Variants in LRP1B observed in about 807,000 individuals in gnomAD.
LRP1B encodes the protein low-density lipoprotein receptor-related protein 1B.
Under a neutral mutation model 556.6 loss-of-function variants are expected in LRP1B, and 217 were observed. The ratio of observed to expected loss-of-function variants is 0.39; its 90% CI spans 0.35 to 0.44. The LOEUF (loss-of-function observed/expected upper bound fraction) is 0.44. Ranked by LOEUF, LRP1B falls within the 20% of genes least tolerant of loss-of-function variation. The probability of loss-of-function intolerance (pLI) is 1.00; values close to 1 mark genes in which losing one functional copy is unlikely to be tolerated. For missense variants in LRP1B, 5,053 were observed against 5,620.8 expected (o/e 0.90, Z 3.23); for synonymous variants, 2,047 against 1,865.8 (o/e 1.10, Z -2.50).
chr2:141,805,233 A>C (rs12616779), intron 2 of LRP1B: 29,205 of 152,034 alleles, frequency 0.19, 3,267 homozygotes, highest in East Asian at 0.39. Flanking sequence ...GAGGTTATCT[A>C]CTAGGAGAGA....
intron 11 of LRP1B, among the ~76,000 whole-genome samples, chr2:141,047,765 C>G (rs932418397): frequency 6.6e-6 from 1 of 152,052 alleles, no homozygotes. Flanking sequence ...CCATTTAGGT[C>G]CCCCACACCC....
intron 18 of LRP1B, among the ~76,000 whole-genome samples, chr2:140,967,576 G>A (rs1030822524): frequency 6.6e-6 from 1 of 151,976 alleles, no homozygotes; most frequent in African/African-American, 2.4e-5. Context: ...CCAACACTAT[G>A]TTGAATAGGA....
chr2:141,736,080 C>T (rs979133266), intron 2 of LRP1B, among the ~76,000 whole-genome samples: 7 of 152,148 alleles, frequency 4.6e-5, no homozygotes, highest in African/African-American at 1.4e-4. Context: ...CACCCACTCT[C>T]TCTAGGGGCA....
At chr2:141,032,232 C>T (rs568794395) in intron 11 of LRP1B, among the ~76,000 whole-genome samples, 68 of 152,114 alleles carry the variant, frequency 4.5e-4, no homozygotes, top group Admixed American at 7.2e-4. Flanking sequence ...TTCATTTTAA[C>T]GGCTACTTAA....
In LRP1B at chr2:140,525,833, T is replaced by C. The variant is rs1690407299; in HGVS notation, c.8026+11A>G. 3 of 1,608,128 alleles carry C rather than the reference T, an allele frequency of 1.9e-6. No individual in the cohort carries two copies. The South Asian group carries it at 3.3e-5, about 18-fold the overall frequency. On this transcript the variant is annotated intron_variant, in intron 49 of 90. Coordinates refer to ENST00000389484, the MANE Select transcript of LRP1B (RefSeq NM_018557.3). Reference sequence around the variant, plus strand: ...AGGCAAAGCCTGTGTTTTTCTAAATTCTAGTATTACCTGGGCACTTTAATT... The same window carrying C: ...AGGCAAAGCCTGTGTTTTTCTAAATCCTAGTATTACCTGGGCACTTTAATT...
chr2:141,362,570 A>C (rs1195614607), intron 3 of LRP1B, among the ~76,000 whole-genome samples: 1 of 152,228 alleles, frequency 6.6e-6, no homozygotes, highest in Non-Finnish European at 1.5e-5. Flanking sequence ...GTACTACTAC[A>C]TTTTTGGCCA....
chr2:141,323,373 T>G (rs1030293897), intron 3 of LRP1B, among the ~76,000 whole-genome samples: 3 of 152,132 alleles, frequency 2.0e-5, no homozygotes, highest in Admixed American at 6.6e-5. Flanking sequence ...AATGTTTGTG[T>G]GTTTTTAATG....
intron 6 of LRP1B, among the ~76,000 whole-genome samples, chr2:141,208,579 G>A (rs563219791): frequency 1.1e-4 from 16 of 152,096 alleles, no homozygotes; most frequent in Admixed American, 4.6e-4. Context: ...AAAAAGGGAT[G>A]GGAGTGGCTG....
intron 72 of LRP1B, among the ~76,000 whole-genome samples, chr2:140,359,794 C>T (rs1316479152): frequency 6.6e-6 from 1 of 151,606 alleles, no homozygotes; most frequent in African/African-American, 2.4e-5. Flanking sequence ...TCAAATTTAA[C>T]AAGCTCATCA....
At chr2:140,878,791 G>C (rs1198148788) in intron 25 of LRP1B, among the ~76,000 whole-genome samples, 1 of 151,966 alleles carries the variant, frequency 6.6e-6, no homozygotes, top group African/African-American at 2.4e-5. Flanking sequence ...TGGATCATGC[G>C]AGGTCAGGAG....
At chr2:140,880,743 T>G in intron 25 of LRP1B, among the ~76,000 whole-genome samples, 1 of 152,204 alleles carries the variant, frequency 6.6e-6, no homozygotes, top group East Asian at 1.9e-4. Context: ...TGCAAACCTT[T>G]CTTTTCATTT....
chr2:142,018,931 C>T (rs776562550), intron 1 of LRP1B, among the ~76,000 whole-genome samples: 7 of 151,952 alleles, frequency 4.6e-5, no homozygotes, highest in South Asian at 4.1e-4. Flanking sequence ...TTAATTAAAA[C>T]GCACAGTAAA....
chr2:140,476,973 A>T (rs1688001614), intron 59 of LRP1B, among the ~76,000 whole-genome samples: 1 of 152,066 alleles, frequency 6.6e-6, no homozygotes, highest in Non-Finnish European at 1.5e-5. Flanking sequence ...AAATGATGCT[A>T]TGCTTTTTAA....
At chr2:140,849,200 C>CAAAAAAAAAAAAAAAAAAA (rs70988447) in intron 29 of LRP1B, among the ~76,000 whole-genome samples, 11 of 100,516 alleles carry the variant, frequency 1.1e-4, no homozygotes, top group African/African-American at 1.7e-4. Flanking sequence ...ACTAAAAATA[C>CAAAAAAAAAAAAAAAAAAA]AAAAAAAAAA....
intron 1 of LRP1B, among the ~76,000 whole-genome samples, chr2:142,013,067 T>A (rs1703004899): frequency 6.6e-6 from 1 of 152,234 alleles, no homozygotes; most frequent in South Asian, 2.1e-4. Context: ...TCATGATTAG[T>A]TACCTTCTAT....
At chr2:140,691,073 A>G (rs1686220378) in intron 41 of LRP1B, among the ~76,000 whole-genome samples, 2 of 152,346 alleles carry the variant, frequency 1.3e-5, no homozygotes, top group Admixed American at 1.3e-4. Flanking sequence ...AGACAAAAAA[A>G]GAACAATTAA....
intron 2 of LRP1B, among the ~76,000 whole-genome samples, chr2:141,662,327 A>G (rs1483289356): frequency 2.0e-5 from 3 of 152,218 alleles, no homozygotes. Context: ...ATTACACATG[A>G]CAATATTAAC....
At chr2:141,491,994 T>C in intron 2 of LRP1B, among the ~76,000 whole-genome samples, 1 of 147,412 alleles carries the variant, frequency 6.8e-6, no homozygotes, top group Admixed American at 7.0e-5. Context: ...GTTTTGGTGG[T>C]GTGATGGCCA....
intron 2 of LRP1B, among the ~76,000 whole-genome samples, chr2:141,778,665 C>T (rs1695150675): frequency 6.6e-6 from 1 of 152,180 alleles, no homozygotes; most frequent in South Asian, 2.1e-4. Context: ...TGACCATGAA[C>T]TACAAAATGT....
Sources: gnomAD v4.1 joint callset for allele counts (sites outside exome capture counted in the v4.1 genomes callset) on GRCh38, gnomAD v4.1.1 for gene constraint, MANE v1.5 for transcripts, NCBI Gene and HGNC (gene_info 2026-07-23, HGNC 2026-07-21) for gene names.